Variants in IGSF11 observed in about 807,000 individuals in gnomAD.
IGSF11 encodes the protein immunoglobulin superfamily member 11.
IGSF11 carries 22 observed loss-of-function variants against 41.0 expected under a neutral mutation model. The ratio of observed to expected loss-of-function variants is 0.54; its 90% CI spans 0.38 to 0.77. IGSF11 has a LOEUF of 0.77. Ranked by LOEUF, IGSF11 falls within the 30% of genes least tolerant of loss-of-function variation. IGSF11 has a pLI of 0.00. For missense variants in IGSF11, 444 were observed against 530.8 expected, an observed-to-expected ratio of 0.84 and a Z score of 1.61; for synonymous variants, 219 against 201.3, an observed-to-expected ratio of 1.09 and a Z score of -0.74.
intron 1 of IGSF11, among the ~76,000 whole-genome samples, chr3:118,988,629 CG>C (rs975848482): frequency 2.0e-5 from 3 of 152,022 alleles, no homozygotes; most frequent in Admixed American, 2.0e-4. Flanking sequence ...TGGCTGTCCT[CG>C]GGGTGGGAAA....
intron 1 of IGSF11, 76 bp from the exon 2 acceptor site, chr3:118,930,351 GT>G: frequency 1.4e-6 from 2 of 1,395,758 alleles, no homozygotes; most frequent in South Asian, 1.5e-5. Flanking sequence ...AGGTTTGCGT[GT>G]TTTATGTTAT....
chr3:119,143,637 A>G (rs2077678162), intron 1 of IGSF11, among the ~76,000 whole-genome samples: 1 of 152,182 alleles, frequency 6.6e-6, no homozygotes. Context: ...TTAAATGTAG[A>G]TGGATTAAAC....
intron 1 of IGSF11, among the ~76,000 whole-genome samples, chr3:119,072,183 G>C (rs551205143): frequency 6.6e-6 from 1 of 152,316 alleles, no homozygotes; most frequent in East Asian, 1.9e-4. Context: ...AATTTAGCTT[G>C]AGTGGGTTTC....
Position 119,117,112 on chromosome 3 carries a change from A to G in IGSF11, c.-13-11907T>C, listed in dbSNP as rs554471024. Reference sequence around the variant, plus strand: ...TCTATTAAACTCTTTCTCTGCTACAATTTCATGGTCTCTCTTTATGCAATG... The same window carrying G: ...TCTATTAAACTCTTTCTCTGCTACAGTTTCATGGTCTCTCTTTATGCAATG... On this transcript the variant is annotated intron_variant, in intron 1 of 7. Coordinates refer to the IGSF11 transcript ENST00000425327. Among the ~76,000 whole-genome samples, 22 of 151,866 alleles carry G rather than the reference A, an allele frequency of 1.4e-4. No homozygotes were observed. In the East Asian group the frequency reaches 4.1e-3, roughly 28 times the overall value.
At chr3:118,917,117 G>C (rs1941213180) in intron 4 of IGSF11, among the ~76,000 whole-genome samples, 2 of 151,726 alleles carry the variant, frequency 1.3e-5, no homozygotes, top group African/African-American at 2.4e-5. Context: ...AGTGTGTAGA[G>C]GGAAATTTAT....
At chr3:119,145,871 T>C in exon 1 of IGSF11, 1 of 287,688 alleles carries the variant, frequency 3.5e-6, no homozygotes. Flanking sequence ...AGGAAGAGGG[T>C]AACACTCTAG....
At chr3:119,117,562 T>C (rs1034552691) in intron 1 of IGSF11, among the ~76,000 whole-genome samples, 3 of 152,176 alleles carry the variant, frequency 2.0e-5, no homozygotes, top group African/African-American at 7.2e-5. Context: ...AAATTCAAGA[T>C]GAGATTTGGG....
chr3:119,092,001 G>C lies in IGSF11; in HGVS notation c.49+13143C>G, dbSNP rs1220771256. 3.4e-5 allele frequency among the ~76,000 whole-genome samples: 5 copies of C among 146,990 alleles called. 1 individual carries two copies. Among genetic ancestry groups the C allele is most frequent in the African/African-American group, 1.0e-4 (4 of 39,674 alleles). ...TTGGTTTTTGGTTTTTTTGGGGGGG[G>C]GGGGTTGGTGGTTTTTTCTTTTGTT... On this transcript the variant is annotated intron_variant, in intron 1 of 6. Coordinates refer to the IGSF11 transcript ENST00000354673.
At chr3:118,968,566 T>C (rs550443403) in intron 1 of IGSF11, among the ~76,000 whole-genome samples, 6 of 152,304 alleles carry the variant, frequency 3.9e-5, no homozygotes, top group Non-Finnish European at 5.9e-5. Flanking sequence ...TCTGAAGCTA[T>C]GTCAAAAAGG....
intron 1 of IGSF11, among the ~76,000 whole-genome samples, chr3:118,977,376 C>T (rs1934232725): frequency 6.6e-6 from 1 of 152,184 alleles, no homozygotes; most frequent in South Asian, 2.1e-4. Context: ...TATCTGGAAC[C>T]TCTGAGGCAT....
chr3:119,089,141 T>C (rs1038891378), intron 1 of IGSF11, among the ~76,000 whole-genome samples: 3 of 152,014 alleles, frequency 2.0e-5, no homozygotes, highest in Non-Finnish European at 4.4e-5. Flanking sequence ...GAAAACTTCA[T>C]ACCAATATCC....
At chr3:119,113,209 C>G (rs1243731947) in intron 1 of IGSF11, among the ~76,000 whole-genome samples, 1 of 152,126 alleles carries the variant, frequency 6.6e-6, no homozygotes, top group South Asian at 2.1e-4. Context: ...CCTCCCAAAT[C>G]TCATTTTCTT....
intron 1 of IGSF11, among the ~76,000 whole-genome samples, chr3:119,065,009 C>T (rs185029295): frequency 6.6e-6 from 1 of 151,964 alleles, no homozygotes; most frequent in Non-Finnish European, 1.5e-5. Flanking sequence ...TTTTTCTTGC[C>T]TTATTGTACT....
intron 1 of IGSF11, among the ~76,000 whole-genome samples, chr3:119,094,690 A>C (rs1330110382): frequency 9.2e-6 from 1 of 108,264 alleles, no homozygotes; most frequent in Admixed American, 8.9e-5. Context: ...TTTTTTTTTT[A>C]GACTGAGTTT....
chr3:119,011,445 A>G lies in IGSF11; in HGVS notation c.52+23086T>C, dbSNP rs1398456039. Among the ~76,000 whole-genome samples the G allele has an allele frequency of 2.0e-5, 3 of 152,162 alleles. No individual in the cohort carries two copies. In the East Asian group the frequency reaches 5.8e-4, roughly 29 times the overall value. Reference sequence around the variant, plus strand: ...GTGCATGGGACAGACCAAAATTAGTATAATCTGTGAGAAGAGCCACCACCT... The same window carrying G: ...GTGCATGGGACAGACCAAAATTAGTGTAATCTGTGAGAAGAGCCACCACCT... On this transcript the variant is annotated intron_variant, in intron 1 of 6. Transcript: ENST00000393775.
At chr3:119,105,382 A>G (rs2077006235), upstream of IGSF11, among the ~76,000 whole-genome samples, 1 of 152,208 alleles carries the variant, frequency 6.6e-6, no homozygotes, top group South Asian at 2.1e-4. Flanking sequence ...AATCACACAG[A>G]AACTTTAATA....
chr3:119,043,573 T>G (rs1156776983), intron 1 of IGSF11, among the ~76,000 whole-genome samples: 1 of 152,126 alleles, frequency 6.6e-6, no homozygotes, highest in African/African-American at 2.4e-5. Context: ...ACATGACAAT[T>G]TTACTGCTAG....
At chr3:119,097,957 ATTTTTTTTTTTTTTTT>A (rs377746200) in intron 1 of IGSF11, among the ~76,000 whole-genome samples, 3 of 58,360 alleles carry the variant, frequency 5.1e-5, no homozygotes, top group Non-Finnish European at 1.0e-4. Context: ...CATTCAGCTA[ATTTTTTTTTTTTTTTT>A]TTTTTTTTTT....
chr3:118,921,716 A>C (rs948745702), intron 4 of IGSF11, among the ~76,000 whole-genome samples: 1 of 152,120 alleles, frequency 6.6e-6, no homozygotes, highest in Non-Finnish European at 1.5e-5. Flanking sequence ...TCTTACATAC[A>C]TTATTCTGTT....
Sources: allele counts gnomAD v4.1 joint callset (sites outside exome capture counted in the v4.1 genomes callset), GRCh38; gene constraint gnomAD v4.1.1; transcripts MANE v1.5; gene names NCBI Gene and HGNC (gene_info 2026-07-23, HGNC 2026-07-21).